The following PCDHGA7 variants were observed in gnomAD, a reference collection of about 807,000 sequenced individuals.
PCDHGA7 encodes protocadherin gamma subfamily A, 7.
In PCDHGA7, 44 loss-of-function variants were observed where a neutral mutation model predicts 58.3. The ratio of observed to expected loss-of-function variants is 0.75; its 90% CI spans 0.59 to 0.97. The LOEUF is 0.97. Ranked by LOEUF, PCDHGA7 falls within the 50% of genes least tolerant of loss-of-function variation. The pLI, the probability that PCDHGA7 is intolerant of heterozygous loss-of-function variation, is 0.00. For missense variants in PCDHGA7, 1,266 were observed against 1,188.7 expected, an observed-to-expected ratio of 1.06 and a Z score of -0.96; for synonymous variants, 516 against 504.2, an observed-to-expected ratio of 1.02 and a Z score of -0.31.
intron 1 of PCDHGA7, among the ~76,000 whole-genome samples, chr5:141,434,518 T>C (rs2097700303): frequency 6.6e-6 from 1 of 152,188 alleles, no homozygotes; most frequent in Admixed American, 6.5e-5. Flanking sequence ...CTTAAAGGTG[T>C]TCTTAAACCA....
chr5:141,425,559 G>A (rs1180113940), intron 1 of PCDHGA7, among the ~76,000 whole-genome samples: 2 of 152,176 alleles, frequency 1.3e-5, no homozygotes, highest in East Asian at 3.9e-4. Context: ...TCTTTTATAA[G>A]TGATAAGAAG....
At chr5:141,413,148 C>G (rs370253778) in intron 1 of PCDHGA7, 10 of 1,570,530 alleles carry the variant, frequency 6.4e-6, no homozygotes, top group Middle Eastern at 1.7e-4. Flanking sequence ...CCAGTGAGGA[C>G]TTTGCAGAAT....
At chr5:141,494,937 G>A (rs759078748) in intron 2 of PCDHGA7, 72 bp downstream of exon 2, 130 of 1,612,276 alleles carry the variant, frequency 8.1e-5, no homozygotes, top group Non-Finnish European at 1.1e-4. Context: ...GAGGAGATGG[G>A]GGAGGGCCCA....
intron 1 of PCDHGA7, chr5:141,404,498 G>A (rs1237860716): frequency 6.2e-7 from 1 of 1,613,878 alleles, no homozygotes; most frequent in East Asian, 2.2e-5. Context: ...TGTGCTGTAT[G>A]CTCTGTGCTC....
intron 1 of PCDHGA7, among the ~76,000 whole-genome samples, chr5:141,435,840 T>G (rs1408413470): frequency 6.6e-6 from 1 of 152,118 alleles, no homozygotes; most frequent in Non-Finnish European, 1.5e-5. Context: ...CCTATCTACT[T>G]TGAAAGATAC....
intron 1 of PCDHGA7, chr5:141,413,577 T>C (rs752007520): frequency 2.5e-6 from 4 of 1,613,836 alleles, no homozygotes; most frequent in Non-Finnish European, 3.4e-6. Context: ...ATGACAATGC[T>C]CCAAAATTCC....
intron 1 of PCDHGA7, among the ~76,000 whole-genome samples, chr5:141,452,585 G>A (rs1310395736): frequency 6.6e-6 from 1 of 151,984 alleles, no homozygotes; most frequent in Non-Finnish European, 1.5e-5. Context: ...TTCCATCTTT[G>A]TATTTTTATT....
At chr5:141,417,503 TAA>T in intron 1 of PCDHGA7, 1 of 229,962 alleles carries the variant, frequency 4.3e-6, no homozygotes, top group East Asian at 9.7e-5. Flanking sequence ...GGAAAAAGAT[TAA>T]AATATTTTGG....
In PCDHGA7 at chr5:141,491,681, C is replaced by A; in HGVS notation, c.2425-3126C>A. The A allele has an allele frequency of 6.2e-7, 1 of 1,613,458 alleles. No individual in the cohort carries two copies. Among genetic ancestry groups the A allele is most frequent in the Non-Finnish European group, 8.5e-7 (1 of 1,179,804 alleles). ...GACGCCATCCGGTCCCGCTCTAATA[C>A]GCTGCGGGAGCGGAGCCAGGTGAGG... On this transcript the variant is annotated intron_variant, in intron 1 of 3. Coordinates refer to ENST00000518325, the MANE Select transcript of PCDHGA7 (RefSeq NM_018920.4). This position sits in a 1 kb window ranked among gnomAD's most constrained non-coding sequence, Gnocchi z 6.9.
chr5:141,418,093 C>A, intron 1 of PCDHGA7: 2 of 1,614,032 alleles, frequency 1.2e-6, no homozygotes, highest in Non-Finnish European at 1.7e-6. Context: ...TCAGCGTAGA[C>A]GCGCAGAGCG....
intron 1 of PCDHGA7, chr5:141,427,619 C>T: frequency 1.4e-6 from 1 of 696,342 alleles, no homozygotes; most frequent in Non-Finnish European, 2.6e-6. Context: ...AAGTCAACGA[C>T]AATGCTCCGG....
rs552257647 is a variant in PCDHGA7 at position 141,389,615 on chromosome 5, G to T, written c.2424+4292G>T. The T allele has an allele frequency of 4.3e-6, 7 of 1,612,854 alleles. No homozygotes were observed. In the African/African-American group the frequency reaches 8.0e-5, roughly 18 times the overall value. On this transcript the variant is annotated intron_variant, in intron 1 of 3. Transcript: ENST00000518325. The stretch of plus-strand genomic sequence containing the variant: ...GCTCTGCGCTCTTCGATATGGTGCC[G>T]CACGCTGCAGAGCCTGGCTACTTGG...
At chr5:141,472,849 G>C (rs966051912) in intron 1 of PCDHGA7, among the ~76,000 whole-genome samples, 1 of 151,340 alleles carries the variant, frequency 6.6e-6, no homozygotes, top group East Asian at 2.0e-4. Flanking sequence ...AGCTGGGCAT[G>C]GTGGCACATG....
Position 141,476,247 on chromosome 5 carries a change from G to A in PCDHGA7, c.2425-18560G>A. The A allele has an allele frequency of 6.2e-7, 1 of 1,614,042 alleles. No individual in the cohort carries two copies. Among genetic ancestry groups the A allele is most frequent in the Non-Finnish European group, 8.5e-7 (1 of 1,180,010 alleles). Reference sequence around the variant, plus strand: ...GAGATCCCGGAGGAAAGAGAGAAGGGTTTCGCTGTGGGCAACGTGGTCGCG... The same window carrying A: ...GAGATCCCGGAGGAAAGAGAGAAGGATTTCGCTGTGGGCAACGTGGTCGCG... On this transcript the variant is annotated intron_variant, in intron 1 of 3. Transcript: ENST00000518325. This position sits in a 1 kb window ranked among gnomAD's most constrained non-coding sequence, Gnocchi z 7.6.
Position 141,511,202 on chromosome 5 carries a change from C to A in PCDHGA7, c.*29C>A. On this transcript the variant is annotated 3_prime_UTR_variant, in exon 4 of 4. Transcript: ENST00000518325. ...GGAGGCCAGGCCAAGAGCCACAGGG[C>A]GGCCTCTCCCCAACCAGCCCAGCTT... The A allele has an allele frequency of 6.2e-7, 1 of 1,612,136 alleles. No individual in the cohort carries two copies.
intron 1 of PCDHGA7, chr5:141,442,490 T>C (rs2098328971): frequency 6.6e-6 from 1 of 152,222 alleles, no homozygotes; most frequent in South Asian, 2.1e-4. Flanking sequence ...AAGGGGATGA[T>C]TGTGATTATT....
intron 1 of PCDHGA7, chr5:141,422,178 G>A (rs1561799748): frequency 1.9e-6 from 3 of 1,563,306 alleles, no homozygotes; most frequent in Non-Finnish European, 1.7e-6. Flanking sequence ...GATTCTATGA[G>A]ATGGAAATTC....
intron 1 of PCDHGA7, chr5:141,399,911 G>A: frequency 6.2e-7 from 1 of 1,612,384 alleles, no homozygotes; most frequent in Non-Finnish European, 8.5e-7. Flanking sequence ...GCAGACTCAG[G>A]ACACAACGCC....
intron 1 of PCDHGA7, chr5:141,413,618 A>C (rs1188549125): frequency 6.2e-7 from 1 of 1,613,916 alleles, no homozygotes; most frequent in Admixed American, 1.7e-5. Context: ...AAAATTAATG[A>C]AAATGTCGCT....
Sources: allele counts gnomAD v4.1 joint callset (sites outside exome capture counted in the v4.1 genomes callset), GRCh38; gene constraint gnomAD v4.1.1; non-coding constraint Gnocchi (gnomAD v3.1); transcripts MANE v1.5; gene names NCBI Gene and HGNC (gene_info 2026-07-23, HGNC 2026-07-21).